Variants in FSTL4 observed in about 807,000 individuals in gnomAD.
FSTL4 encodes follistatin-related protein 4.
Under a neutral mutation model 78.2 loss-of-function variants are expected in FSTL4, and 28 were observed. That is an observed-to-expected ratio of 0.36 (90% CI 0.27 to 0.49). The LOEUF (loss-of-function observed/expected upper bound fraction) is 0.49. FSTL4 is among the 20% of genes least tolerant of loss of function. The pLI, the probability that FSTL4 is intolerant of heterozygous loss-of-function variation, is 0.98. For missense variants in FSTL4, 922 were observed against 1,084.9 expected, an observed-to-expected ratio of 0.85 and a Z score of 2.11; for synonymous variants, 422 against 440.5, an observed-to-expected ratio of 0.96 and a Z score of 0.53.
intron 4 of FSTL4, among the ~76,000 whole-genome samples, chr5:133,398,746 CAG>C (rs534019485): frequency 7.6e-4 from 116 of 152,292 alleles, no homozygotes; most frequent in Admixed American, 1.8e-3. Context: ...CCCAGAGAAG[CAG>C]AGTGATGCAA....
chr5:133,366,783 TC>T (rs1289899322), intron 4 of FSTL4, among the ~76,000 whole-genome samples: 2 of 151,722 alleles, frequency 1.3e-5, no homozygotes, highest in Non-Finnish European at 2.9e-5. Flanking sequence ...CAAGGCGGCA[TC>T]CTAATTTATA....
At chr5:133,688,294 T>C in the FSTL4 span, among the ~76,000 whole-genome samples, 3 of 152,228 alleles carry the variant, frequency 2.0e-5, no homozygotes, top group East Asian at 5.8e-4. Flanking sequence ...ATGCCTGTAG[T>C]CCCAGCTACT....
At chr5:133,217,197 G>C (rs769343547) in intron 13 of FSTL4, 32 bp downstream of exon 13, 2 of 1,584,006 alleles carry the variant, frequency 1.3e-6, no homozygotes, top group Non-Finnish European at 1.7e-6. Context: ...CCCAGAATTT[G>C]AAGTTTTCCT....
chr5:133,693,353 T>A, the FSTL4 span, among the ~76,000 whole-genome samples: 1 of 152,186 alleles, frequency 6.6e-6, no homozygotes, highest in African/African-American at 2.4e-5. Context: ...TCATCACACT[T>A]TATTACAAGA....
intron 3 of FSTL4, among the ~76,000 whole-genome samples, chr5:133,503,315 C>A (rs1018663408): frequency 3.3e-5 from 5 of 152,102 alleles, no homozygotes; most frequent in African/African-American, 7.2e-5. Flanking sequence ...AAATTTAAAA[C>A]CTTGATTAGT....
the FSTL4 span, among the ~76,000 whole-genome samples, chr5:133,656,688 G>A: frequency 6.6e-6 from 1 of 152,166 alleles, no homozygotes; most frequent in African/African-American, 2.4e-5. Flanking sequence ...GGCATTAGAG[G>A]CCCAGCCAAG....
chr5:133,759,260 T>C, the FSTL4 span, among the ~76,000 whole-genome samples: 1 of 152,192 alleles, frequency 6.6e-6, no homozygotes, highest in East Asian at 1.9e-4. Context: ...AGCAAGCAAA[T>C]GCCATCAGAC....
At chr5:133,663,890 T>A in the FSTL4 span, among the ~76,000 whole-genome samples, 2 of 152,168 alleles carry the variant, frequency 1.3e-5, no homozygotes, top group African/African-American at 2.4e-5. Flanking sequence ...CTCTAGGGAA[T>A]CTTCCAGTGC....
intron 3 of FSTL4, among the ~76,000 whole-genome samples, chr5:133,483,108 A>G (rs963063439): frequency 1.9e-4 from 29 of 152,114 alleles, no homozygotes; most frequent in Non-Finnish European, 7.3e-5. Flanking sequence ...AATAAGACTT[A>G]TATGAGATCT....
At chr5:133,827,953 G>A in the FSTL4 span, among the ~76,000 whole-genome samples, 14 of 152,306 alleles carry the variant, frequency 9.2e-5, no homozygotes, top group South Asian at 1.0e-3. Context: ...GAGCTGCCAA[G>A]AAATGCTGAA....
At chr5:133,731,130 G>A in the FSTL4 span, among the ~76,000 whole-genome samples, 4 of 152,198 alleles carry the variant, frequency 2.6e-5, no homozygotes, top group Middle Eastern at 3.4e-3. Flanking sequence ...ACGATTTAGG[G>A]TGGGCACTTG....
chr5:133,546,572 G>C (rs921690127), intron 3 of FSTL4, among the ~76,000 whole-genome samples: 1 of 151,240 alleles, frequency 6.6e-6, no homozygotes, highest in Non-Finnish European at 1.5e-5. Flanking sequence ...CAAAGATGTG[G>C]TCCAGCAATC....
rs546988417 is a variant in FSTL4 at position 133,307,065 on chromosome 5, T to C, written c.727+5589A>G. On this transcript the variant is annotated intron_variant, in intron 6 of 15. Transcript: ENST00000265342. ...ACGGTTGTTATTCCCATTTTACAGATGGGAAAATTAAAGCCCAGTTTAACC... is the reference window on the plus strand; with the variant it reads ...ACGGTTGTTATTCCCATTTTACAGACGGGAAAATTAAAGCCCAGTTTAACC... Among the ~76,000 whole-genome samples, 5 of 152,310 alleles carry C rather than the reference T, an allele frequency of 3.3e-5. No individual in the cohort carries two copies. In the South Asian group the frequency reaches 1.0e-3, roughly 32 times the overall value.
chr5:133,690,300 G>T, the FSTL4 span, among the ~76,000 whole-genome samples: 1 of 152,038 alleles, frequency 6.6e-6, no homozygotes. Flanking sequence ...GCCTTCTCTG[G>T]ATCCTATCTC....
chr5:133,489,681 G>C (rs916110035), intron 3 of FSTL4, among the ~76,000 whole-genome samples: 1 of 152,122 alleles, frequency 6.6e-6, no homozygotes, highest in African/African-American at 2.4e-5. Flanking sequence ...CTGAGCAATG[G>C]ATACATAGTA....
intron 3 of FSTL4, among the ~76,000 whole-genome samples, chr5:133,443,066 T>C (rs1198222040): frequency 6.6e-6 from 1 of 152,262 alleles, no homozygotes; most frequent in Non-Finnish European, 1.5e-5. Flanking sequence ...TCTTGTTCCA[T>C]ATGGACCACC....
the FSTL4 span, among the ~76,000 whole-genome samples, chr5:133,768,882 G>C: frequency 2.0e-5 from 3 of 152,234 alleles, no homozygotes; most frequent in Admixed American, 2.0e-4. Context: ...TGATGCTCAA[G>C]AAAGACAACT....
chr5:133,275,417 A>G (rs989707599), intron 6 of FSTL4, among the ~76,000 whole-genome samples: 1 of 152,018 alleles, frequency 6.6e-6, no homozygotes, highest in Non-Finnish European at 1.5e-5. Context: ...GAAATTAGCC[A>G]GGCGTGGTGG....
chr5:133,725,424 A>G, the FSTL4 span, among the ~76,000 whole-genome samples: 1 of 152,252 alleles, frequency 6.6e-6, no homozygotes, highest in Non-Finnish European at 1.5e-5. Flanking sequence ...ACAGTTCTAC[A>G]CAGAGATGTG....
Sources: allele counts gnomAD v4.1 joint callset (sites outside exome capture counted in the v4.1 genomes callset), GRCh38; gene constraint gnomAD v4.1.1; transcripts MANE v1.5; gene names NCBI Gene and HGNC (gene_info 2026-07-23, HGNC 2026-07-21).